ELP1: variants seen among roughly 807,000 people sequenced by gnomAD.
The protein encoded by ELP1 is elongator complex protein 1.
In ELP1, 131 loss-of-function variants were observed where a neutral mutation model predicts 183.2. That is an observed-to-expected ratio of 0.72 (90% CI 0.62 to 0.83). The LOEUF is 0.83. Among genes scored for constraint, ELP1 ranks in the 40% least tolerant of loss-of-function variants. The probability of loss-of-function intolerance (pLI) is 0.00; values close to 1 mark genes in which losing one functional copy is unlikely to be tolerated. For missense variants in ELP1, 1,550 were observed against 1,594.9 expected (o/e 0.97, Z 0.48); for synonymous variants, 555 against 569.0 (o/e 0.98, Z 0.35).
chr9:108,883,298 G>T (rs1035493481), intron 29 of ELP1, among the ~76,000 whole-genome samples: 4 of 152,260 alleles, frequency 2.6e-5, no homozygotes, highest in African/African-American at 9.6e-5. Context: ...CAAGAAGTTG[G>T]GACTACAGGT....
chr9:108,913,520 T>A (rs1829312076), intron 10 of ELP1, among the ~76,000 whole-genome samples: 1 of 152,220 alleles, frequency 6.6e-6, no homozygotes, highest in South Asian at 2.1e-4. Flanking sequence ...CTTAACTTAG[T>A]GATCACAGCA....
At chr9:108,922,470 T>C (rs1829679276) in intron 6 of ELP1, among the ~76,000 whole-genome samples, 1 of 152,106 alleles carries the variant, frequency 6.6e-6, no homozygotes, top group Admixed American at 6.5e-5. Flanking sequence ...TATACACATA[T>C]ATGGGAAAAG....
intron 36 of ELP1, among the ~76,000 whole-genome samples, chr9:108,872,997 T>C (rs561867443): frequency 2.6e-4 from 39 of 152,214 alleles, no homozygotes; most frequent in Non-Finnish European, 4.0e-4. Flanking sequence ...GGACATGACA[T>C]ATTTCACATT....
Position 108,898,482 on chromosome 9 carries a change from G to T in ELP1, c.2363+20C>A. 1.5e-6 allele frequency: 2 copies of T among 1,371,164 alleles called. No individual in the cohort carries two copies. Among genetic ancestry groups the T allele is most frequent in the South Asian group, 1.2e-5 (1 of 84,254 alleles). 84.9% of individuals were successfully genotyped at this position (1,371,164 alleles called of 1,614,324 possible). A position where few individuals can be genotyped will look rare whatever the true frequency, so the allele number is the denominator to read the frequency against. ...AGAAAACTATGGAAAAGATACACATGAATTATTCAAAATACTTACTTCAAT... is the reference window on the plus strand; with the variant it reads ...AGAAAACTATGGAAAAGATACACATTAATTATTCAAAATACTTACTTCAAT... On this transcript the variant is annotated intron_variant, in intron 22 of 36. Transcript: ENST00000374647.
At chr9:108,877,218 C>T (rs1239704771) in intron 35 of ELP1, among the ~76,000 whole-genome samples, 1 of 152,222 alleles carries the variant, frequency 6.6e-6, no homozygotes, top group Non-Finnish European at 1.5e-5. Context: ...TTCCCAACAA[C>T]TCCTCCTGTT....
At chr9:108,892,107 G>T (rs1828363574) in intron 27 of ELP1, among the ~76,000 whole-genome samples, 1 of 152,188 alleles carries the variant, frequency 6.6e-6, no homozygotes, top group African/African-American at 2.4e-5. Context: ...CCCACAGCCT[G>T]GTGGAGGCGA....
At chr9:108,914,456 A>C (rs1191906529) in intron 10 of ELP1, among the ~76,000 whole-genome samples, 2 of 151,110 alleles carry the variant, frequency 1.3e-5, no homozygotes, top group African/African-American at 2.4e-5. Flanking sequence ...AAAGCTACTT[A>C]GAAAATAATC....
At chr9:108,902,571 C>CTTTGAATGAT (rs141020595) in intron 16 of ELP1, among the ~76,000 whole-genome samples, 220 of 152,306 alleles carry the variant, frequency 1.4e-3, no homozygotes, top group Middle Eastern at 0.01. Context: ...ATAAAATTAA[C>CTTTGAATGAT]TTTGAATGAT....
chr9:108,920,826 GAT>G, intron 6 of ELP1, among the ~76,000 whole-genome samples: 1 of 152,014 alleles, frequency 6.6e-6, no homozygotes, highest in Non-Finnish European at 1.5e-5. Flanking sequence ...TAGTTTACTG[GAT>G]AGTACATTAG....
At chr9:108,908,202 G>T in intron 13 of ELP1, 103 bp downstream of exon 13, 1 of 842,646 alleles carries the variant, frequency 1.2e-6, no homozygotes, top group Non-Finnish European at 2.0e-6. Flanking sequence ...TTTATTTCTT[G>T]TTCCACTCAG....
Position 108,906,298 on chromosome 9 carries a change from A to G in ELP1, c.1643+5T>C, listed in dbSNP as rs1277146326. On this transcript the variant is annotated splice_donor_5th_base_variant and intron_variant, in intron 14 of 36. Coordinates refer to ENST00000374647, the MANE Select transcript of ELP1 (RefSeq NM_003640.5). The stretch of plus-strand genomic sequence containing the variant: ...CATGTGGAGTACAGGGAAAAACTGC[A>G]ATACCTGACATTGAGCTGTCCATGC... 6.2e-7 allele frequency: 1 copy of G among 1,613,830 alleles called. No individual in the cohort carries two copies. Among genetic ancestry groups the G allele is most frequent in the East Asian group, 2.2e-5 (1 of 44,866 alleles).
chr9:108,893,892 G>A (rs997511848), intron 26 of ELP1, 51 bp downstream of exon 26: 12 of 1,603,058 alleles, frequency 7.5e-6, no homozygotes, highest in Non-Finnish European at 1.0e-5. Context: ...ACCTTGCCTA[G>A]TTCCAAAGAA....
chr9:108,878,474 T>C (rs1383473347), intron 34 of ELP1, 149 bp downstream of exon 34: 24 of 1,014,818 alleles, frequency 2.4e-5, no homozygotes, highest in Non-Finnish European at 3.7e-5. Flanking sequence ...TTCAGGAATG[T>C]GTGCAGACAT....
At chr9:108,903,161 T>C (rs1345189363) in intron 15 of ELP1, among the ~76,000 whole-genome samples, 4 of 152,152 alleles carry the variant, frequency 2.6e-5, no homozygotes, top group Admixed American at 2.0e-4. Flanking sequence ...ATGTGCCATG[T>C]TGGTGTGCTG....
At position 108,869,130 on chromosome 9, in the gene ELP1, C is replaced by T. The variant is rs2118907092; in HGVS notation, c.3984G>A (p.Leu1328=). 1 of 1,614,122 alleles carries T rather than the reference C, an allele frequency of 6.2e-7. No homozygotes were observed. Among genetic ancestry groups the T allele is most frequent in the Non-Finnish European group, 8.5e-7 (1 of 1,179,992 alleles). ...CTGCAGTCACTCAGTCTAGCAGGCT[C>T]AGCTTCCACTGGGTTCTTCTGTTGA... is the stretch of plus-strand genomic sequence containing the variant. The part of the protein sequence containing the change: ...PKINRRTQWK[L]SLLD The change falls in exon 37 of 37, where the codon CTG becomes CTA. Residue 1328 remains leucine (L), a synonymous_variant. Transcript: ENST00000374647.
intron 24 of ELP1, 65 bp from the exon 25 acceptor site, chr9:108,896,709 A>G (rs1480471112): frequency 6.8e-7 from 1 of 1,475,758 alleles, no homozygotes; most frequent in Non-Finnish European, 9.5e-7. Flanking sequence ...AGACCTAACA[A>G]CATAACCAAA....
intron 1 of ELP1, among the ~76,000 whole-genome samples, chr9:108,932,341 C>A (rs1239696832): frequency 6.6e-6 from 1 of 151,940 alleles, no homozygotes; most frequent in Non-Finnish European, 1.5e-5. Context: ...ACATATCATG[C>A]AGGTTTTTTT....
At chr9:108,883,001 G>A (rs980034408) in intron 29 of ELP1, among the ~76,000 whole-genome samples, 1 of 152,116 alleles carries the variant, frequency 6.6e-6, no homozygotes, top group Admixed American at 6.5e-5. Flanking sequence ...TCTATATGCT[G>A]TCTTTTCACA....
intron 29 of ELP1, among the ~76,000 whole-genome samples, chr9:108,885,480 T>C (rs886089044): frequency 6.6e-6 from 1 of 151,280 alleles, no homozygotes. Context: ...TAAACTTGAA[T>C]AGGCTAATGT....
Sources: gnomAD v4.1 joint callset for allele counts (sites outside exome capture counted in the v4.1 genomes callset) on GRCh38, gnomAD v4.1.1 for gene constraint, MANE v1.5 for transcripts, NCBI Gene and HGNC (gene_info 2026-07-23, HGNC 2026-07-21) for gene names.